DPP10: variants seen among roughly 807,000 people sequenced by gnomAD.
DPP10 encodes inactive dipeptidyl peptidase 10.
Under a neutral mutation model 120.9 loss-of-function variants are expected in DPP10, and 33 were observed. That is an observed-to-expected ratio of 0.27 (90% CI 0.21 to 0.37). DPP10 has a LOEUF of 0.37. DPP10 is among the 10% of genes least tolerant of loss of function. DPP10 has a pLI of 1.00. For missense variants in DPP10, 816 were observed against 942.8 expected (o/e 0.87, Z 1.76); for synonymous variants, 337 against 326.1 (o/e 1.03, Z -0.36).
chr2:115,475,477 A>G (rs1344101597), intron 3 of DPP10, among the ~76,000 whole-genome samples: 1 of 152,216 alleles, frequency 6.6e-6, no homozygotes, highest in Non-Finnish European at 1.5e-5. Context: ...GCAGGGGCAG[A>G]GCCCTCATGG....
chr2:114,599,794 G>A (rs975037804), intron 1 of DPP10, among the ~76,000 whole-genome samples: 1 of 151,624 alleles, frequency 6.6e-6, no homozygotes, highest in African/African-American at 2.4e-5. Flanking sequence ...AAACTTTATA[G>A]TCAGCTTTTA....
At chr2:115,437,512 C>T (rs1281562706) in intron 3 of DPP10, among the ~76,000 whole-genome samples, 2 of 151,984 alleles carry the variant, frequency 1.3e-5, no homozygotes, top group Non-Finnish European at 2.9e-5. Context: ...AAGTGTGTTA[C>T]TCAATGATCT....
At chr2:114,468,397 CAAAAAAA>C (rs71297186) in intron 1 of DPP10, among the ~76,000 whole-genome samples, 25 of 69,552 alleles carry the variant, frequency 3.6e-4, no homozygotes, top group African/African-American at 6.9e-4. Flanking sequence ...GCTTACAATG[CAAAAAAA>C]AAAAAAAAAA....
At chr2:115,464,960 T>C (rs1201252770) in intron 3 of DPP10, among the ~76,000 whole-genome samples, 1 of 152,172 alleles carries the variant, frequency 6.6e-6, no homozygotes, top group Non-Finnish European at 1.5e-5. Flanking sequence ...TCTGTTTAAT[T>C]ATACCATGGT....
At chr2:115,238,575 T>A (rs886637969) in intron 1 of DPP10, among the ~76,000 whole-genome samples, 1 of 151,852 alleles carries the variant, frequency 6.6e-6, no homozygotes, top group East Asian at 1.9e-4. Flanking sequence ...GCTGCAGAGG[T>A]GGTGGAAATA....
intron 1 of DPP10, among the ~76,000 whole-genome samples, chr2:114,857,481 G>A (rs1276440236): frequency 6.6e-6 from 1 of 152,098 alleles, no homozygotes; most frequent in Non-Finnish European, 1.5e-5. Context: ...GCTTAGTCAG[G>A]CTGTCTTCTG....
chr2:115,530,202 T>C (rs893796204), intron 5 of DPP10, among the ~76,000 whole-genome samples: 2 of 152,122 alleles, frequency 1.3e-5, no homozygotes, highest in African/African-American at 4.8e-5. Flanking sequence ...TTATTAATTA[T>C]GTCCCAGGTG....
chr2:115,102,608 A>G (rs1044640899), intron 1 of DPP10, among the ~76,000 whole-genome samples: 6 of 152,006 alleles, frequency 3.9e-5, no homozygotes, highest in Non-Finnish European at 8.8e-5. Flanking sequence ...ACGAGGTTTC[A>G]CCATATTGGC....
intron 1 of DPP10, among the ~76,000 whole-genome samples, chr2:114,908,601 T>A (rs1409913136): frequency 6.6e-6 from 1 of 151,884 alleles, no homozygotes; most frequent in Non-Finnish European, 1.5e-5. Flanking sequence ...GTGCTACTAT[T>A]GAATATTTTA....
At chr2:115,540,826 C>G (rs532530738) in intron 5 of DPP10, among the ~76,000 whole-genome samples, 10 of 151,880 alleles carry the variant, frequency 6.6e-5, no homozygotes, top group Non-Finnish European at 1.5e-4. Context: ...TAGAAGAGCA[C>G]TTTTTTGCAG....
intron 1 of DPP10, among the ~76,000 whole-genome samples, chr2:114,682,081 C>A (rs1357217468): frequency 6.6e-6 from 1 of 151,902 alleles, no homozygotes; most frequent in African/African-American, 2.4e-5. Context: ...AAGTCCTAAG[C>A]CCTGCTGTAA....
intron 19 of DPP10, among the ~76,000 whole-genome samples, chr2:115,799,555 G>A (rs1285525406): frequency 6.6e-6 from 1 of 150,476 alleles, no homozygotes; most frequent in African/African-American, 2.4e-5. Flanking sequence ...TTTAGCATTA[G>A]GTATATCTCC....
chr2:114,761,222 C>T (rs1202998452), intron 1 of DPP10, among the ~76,000 whole-genome samples: 1 of 151,738 alleles, frequency 6.6e-6, no homozygotes, highest in African/African-American at 2.4e-5. Context: ...ATTTAAATAG[C>T]AAGAAAAGCA....
At chr2:115,642,341 AAAG>A (rs1467313567) in intron 5 of DPP10, among the ~76,000 whole-genome samples, 3 of 152,172 alleles carry the variant, frequency 2.0e-5, no homozygotes, top group African/African-American at 7.2e-5. Flanking sequence ...GACTTTGAAT[AAAG>A]AAGATTACCC....
chr2:115,021,055 C>T (rs1415920853), intron 1 of DPP10, among the ~76,000 whole-genome samples: 3 of 152,008 alleles, frequency 2.0e-5, no homozygotes, highest in African/African-American at 4.8e-5. Flanking sequence ...TAAATGCCTA[C>T]ATCAAAAAGT....
chr2:115,331,539 G>C (rs988270151), intron 2 of DPP10, among the ~76,000 whole-genome samples: 2 of 152,278 alleles, frequency 1.3e-5, no homozygotes, highest in East Asian at 3.9e-4. Flanking sequence ...TGCCCATTCA[G>C]TATGATATTG....
At chr2:114,628,088 A>T (rs1052359217) in intron 1 of DPP10, among the ~76,000 whole-genome samples, 5 of 152,160 alleles carry the variant, frequency 3.3e-5, no homozygotes, top group African/African-American at 1.2e-4. Flanking sequence ...AATTTCTATC[A>T]GTTAAGTTCA....
At chr2:114,607,145 C>G (rs1365293990) in intron 1 of DPP10, among the ~76,000 whole-genome samples, 3 of 152,098 alleles carry the variant, frequency 2.0e-5, no homozygotes, top group African/African-American at 4.8e-5. Context: ...ATGGATCAAA[C>G]AAATAACAGG....
At chr2:115,462,062 A>G (rs924610671) in intron 3 of DPP10, among the ~76,000 whole-genome samples, 1 of 152,202 alleles carries the variant, frequency 6.6e-6, no homozygotes. Flanking sequence ...TGGGATTTCA[A>G]CAATCCAAAG....
Sources: gnomAD v4.1 joint callset for allele counts (sites outside exome capture counted in the v4.1 genomes callset) on GRCh38, gnomAD v4.1.1 for gene constraint, MANE v1.5 for transcripts, NCBI Gene and HGNC (gene_info 2026-07-23, HGNC 2026-07-21) for gene names.